The following KCNT2 variants were observed in gnomAD, a reference collection of about 807,000 sequenced individuals.
The protein encoded by KCNT2 is potassium sodium-activated channel subfamily T member 2, also known as potassium channel subfamily T member 2.
Under a neutral mutation model 153.8 loss-of-function variants are expected in KCNT2, and 67 were observed. That is an observed-to-expected ratio of 0.44 (90% confidence interval 0.36 to 0.53). The LOEUF is 0.53. Among genes scored for constraint, KCNT2 ranks in the 20% least tolerant of loss-of-function variants. The probability of loss-of-function intolerance (pLI) is 0.00; values close to 1 mark genes in which losing one functional copy is unlikely to be tolerated. For synonymous variants in KCNT2, 500 were observed against 458.8 expected, an observed-to-expected ratio of 1.09 and a Z score of -1.15; for missense variants, 975 against 1,354.8, an observed-to-expected ratio of 0.72 and a Z score of 4.40.
chr1:196,426,323 T>C (rs1673651238), intron 10 of KCNT2, among the ~76,000 whole-genome samples: 1 of 152,002 alleles, frequency 6.6e-6, no homozygotes, highest in South Asian at 2.1e-4. Flanking sequence ...GATCCTAAAA[T>C]ATACATTGAA....
At chr1:196,404,137 A>G (rs1671643954) in intron 12 of KCNT2, 3 of 980,412 alleles carry the variant, frequency 3.1e-6, no homozygotes, top group Non-Finnish European at 3.6e-6. Flanking sequence ...CTTACCTTGC[A>G]TTTAGTGAGT....
intron 17 of KCNT2, among the ~76,000 whole-genome samples, chr1:196,332,023 T>A (rs1441152310): frequency 6.6e-6 from 1 of 152,100 alleles, no homozygotes; most frequent in East Asian, 1.9e-4. Flanking sequence ...GGCAATAAAA[T>A]AAAATTTAGT....
intron 1 of KCNT2, among the ~76,000 whole-genome samples, chr1:196,496,954 A>G (rs1407210321): frequency 6.6e-6 from 1 of 152,230 alleles, no homozygotes; most frequent in Non-Finnish European, 1.5e-5. Flanking sequence ...TTTTTTTCTC[A>G]ACAATATTAT....
intron 13 of KCNT2, among the ~76,000 whole-genome samples, chr1:196,390,218 T>C (rs536330088): frequency 8.6e-5 from 13 of 151,724 alleles, no homozygotes; most frequent in African/African-American, 2.9e-4. Context: ...AGTGGATCTT[T>C]TAAATCGTAT....
chr1:196,482,343 C>A lies in KCNT2; in HGVS notation c.312G>T (p.Leu104Phe). The A allele has an allele frequency of 6.3e-7, 1 of 1,576,758 alleles. No individual in the cohort carries two copies. Among genetic ancestry groups the A allele is most frequent in the Non-Finnish European group, 8.6e-7 (1 of 1,161,124 alleles). Residue 104 changes from leucine to phenylalanine, a missense_variant, in exon 4 of 28, where the codon TTG becomes TTT. By Grantham distance (22) the Leu-to-Phe change is conservative. This residue lies in a region of KCNT2 where 140 missense variants were observed against 216.0 expected (regional missense o/e 0.65). Transcript: ENST00000294725. Reference protein sequence around the residue: ...HIFWVNRSLPLWGLQVSVALI... With the variant: ...HIFWVNRSLPFWGLQVSVALI... ...AATTGTACATAACCTGTAAGCCCCA[C>A]AAAGGTAGACTTCTGTTCACCCAAA...
At chr1:196,304,678 AT>A (rs1244187702) in intron 22 of KCNT2, among the ~76,000 whole-genome samples, 2 of 152,194 alleles carry the variant, frequency 1.3e-5, no homozygotes, top group Non-Finnish European at 2.9e-5. Flanking sequence ...CTTTCTGACC[AT>A]ATAACATTAC....
At chr1:196,384,965 G>A (rs1345704076) in intron 13 of KCNT2, among the ~76,000 whole-genome samples, 5 of 151,764 alleles carry the variant, frequency 3.3e-5, no homozygotes, top group Non-Finnish European at 7.4e-5. Context: ...CAGACAAATA[G>A]GCAGATGCTA....
At chr1:196,450,203 T>C (rs1486550229) in intron 8 of KCNT2, among the ~76,000 whole-genome samples, 1 of 151,888 alleles carries the variant, frequency 6.6e-6, no homozygotes, top group African/African-American at 2.4e-5. Flanking sequence ...ACTAACACAT[T>C]GTGTCTTTCA....
chr1:196,373,059 T>C (rs1375813498), intron 14 of KCNT2, 81 bp downstream of exon 14: 6 of 708,966 alleles, frequency 8.5e-6, no homozygotes, highest in African/African-American at 7.4e-5. Flanking sequence ...ACGTAGGCCT[T>C]CTATATTTTT....
At chr1:196,312,437 T>C (rs1662278904) in intron 21 of KCNT2, among the ~76,000 whole-genome samples, 1 of 151,750 alleles carries the variant, frequency 6.6e-6, no homozygotes, top group East Asian at 1.9e-4. Flanking sequence ...AAACTCATCA[T>C]GAGAGAAGGA....
At chr1:196,359,227 C>T (rs927626324) in intron 14 of KCNT2, among the ~76,000 whole-genome samples, 7 of 151,886 alleles carry the variant, frequency 4.6e-5, no homozygotes, top group Non-Finnish European at 7.4e-5. Flanking sequence ...AAAGTTTCAT[C>T]GGGGACTGGC....
intron 25 of KCNT2, among the ~76,000 whole-genome samples, chr1:196,267,165 T>G (rs1267254198): frequency 6.6e-6 from 1 of 152,156 alleles, no homozygotes; most frequent in African/African-American, 2.4e-5. Context: ...TGTGGGAAAA[T>G]AGGTATGACA....
At chr1:196,399,420 G>T (rs1401172183) in intron 12 of KCNT2, among the ~76,000 whole-genome samples, 1 of 151,724 alleles carries the variant, frequency 6.6e-6, no homozygotes, top group Non-Finnish European at 1.5e-5. Context: ...TAAATTTGAA[G>T]TAACTAAACT....
chr1:196,430,707 A>G (rs966297620), intron 8 of KCNT2, among the ~76,000 whole-genome samples: 2 of 152,120 alleles, frequency 1.3e-5, no homozygotes, highest in African/African-American at 4.8e-5. Context: ...GGTGACAGTA[A>G]GAGAGCAGCG....
intron 1 of KCNT2, among the ~76,000 whole-genome samples, chr1:196,606,937 G>C (rs1665385869): frequency 6.6e-6 from 1 of 152,108 alleles, no homozygotes; most frequent in Non-Finnish European, 1.5e-5. Flanking sequence ...AGAATACTGA[G>C]AAATTGGTAT....
intron 14 of KCNT2, among the ~76,000 whole-genome samples, chr1:196,343,256 T>C (rs1226656635): frequency 6.6e-6 from 1 of 152,248 alleles, no homozygotes; most frequent in Non-Finnish European, 1.5e-5. Flanking sequence ...ATGTCTTTTG[T>C]TCTGGAACGT....
intron 22 of KCNT2, among the ~76,000 whole-genome samples, chr1:196,300,660 C>T (rs1358437300): frequency 6.6e-6 from 1 of 152,146 alleles, no homozygotes; most frequent in Non-Finnish European, 1.5e-5. Context: ...TTCTGTACAG[C>T]TGTCCATGCC....
intron 25 of KCNT2, among the ~76,000 whole-genome samples, chr1:196,268,968 C>A (rs556878554): frequency 6.6e-6 from 1 of 151,926 alleles, no homozygotes; most frequent in East Asian, 1.9e-4. Context: ...ATCATTAGAT[C>A]TAGGTAAAAA....
chr1:196,430,378 A>ATCTCTC lies in KCNT2; in HGVS notation c.639-627_639-622dup, dbSNP rs71154742. 3.5e-5 allele frequency among the ~76,000 whole-genome samples: 5 copies of ATCTCTC among 144,600 alleles called. No homozygotes were observed. The East Asian group carries it at 6.2e-4, about 18-fold the overall frequency. 94.9% of individuals were successfully genotyped at this position (144,600 alleles called of 152,430 possible). On this transcript the variant is annotated intron_variant, in intron 8 of 27. Transcript: ENST00000294725. Reference sequence around the variant, plus strand: ...GGGAATGGGCTCCCTCACAAGATCGATCTCTCTCTCTCTCTCTCTCTCTCT... The same window carrying ATCTCTC: ...GGGAATGGGCTCCCTCACAAGATCGATCTCTCTCTCTCTCTCTCTCTCTCTCTCTCT...
Sources: allele counts gnomAD v4.1 joint callset (sites outside exome capture counted in the v4.1 genomes callset), GRCh38; gene constraint gnomAD v4.1.1; regional missense constraint gnomAD v4.1.1; transcripts MANE v1.5; gene names NCBI Gene and HGNC (gene_info 2026-07-23, HGNC 2026-07-21).